TUSC3: variants seen among roughly 807,000 people sequenced by gnomAD.
TUSC3 encodes the protein tumor suppressor candidate 3, also known as dolichyl-diphosphooligosaccharide--protein glycosyltransferase subunit TUSC3.
A neutral mutation model predicts 44.8 loss-of-function variants in TUSC3; 45 were observed. The observed-to-expected ratio is 1.00, with a 90% confidence interval of 0.79 to 1.29. TUSC3 has a LOEUF of 1.29. Among genes scored for constraint, TUSC3 ranks in the 50% most tolerant of loss-of-function variants. The pLI is 0.00. For synonymous variants in TUSC3, 212 were observed against 152.9 expected, an observed-to-expected ratio of 1.39 and a Z score of -2.85; for missense variants, 519 against 437.9, an observed-to-expected ratio of 1.19 and a Z score of -1.65.
chr8:15,535,249 T>G (rs1190102296), upstream of TUSC3, among the ~76,000 whole-genome samples: 1 of 152,200 alleles, frequency 6.6e-6, no homozygotes, highest in Non-Finnish European at 1.5e-5. Context: ...TGCACTCCAG[T>G]TTGAAGGCTT....
rs1810653984 is a variant in TUSC3, at chr8:15,730,034, C to T, written c.799-632C>T. On this transcript the variant is annotated intron_variant, in intron 6 of 10. Coordinates refer to ENST00000503731, the MANE Select transcript of TUSC3 (RefSeq NM_006765.4). Reference sequence around the variant, plus strand: ...AGGACATTTATTTAAAACAACTGCACAGTCACTGATATTCGTAAGAGAGAT... The same window carrying T: ...AGGACATTTATTTAAAACAACTGCATAGTCACTGATATTCGTAAGAGAGAT... Among the ~76,000 whole-genome samples the T allele has an allele frequency of 2.0e-5, 3 of 151,914 alleles. No individual in the cohort carries two copies. The South Asian group carries it at 6.2e-4, about 32-fold the overall frequency.
chr8:15,695,296 A>G (rs924561452), intron 6 of TUSC3, among the ~76,000 whole-genome samples: 2 of 152,172 alleles, frequency 1.3e-5, no homozygotes, highest in African/African-American at 4.8e-5. Context: ...TATTCTCATG[A>G]TAGTGAATAA....
chr8:15,497,997 C>A (rs11203707), intron 2 of TUSC3, among the ~76,000 whole-genome samples: 3 of 151,938 alleles, frequency 2.0e-5, no homozygotes, highest in African/African-American at 4.8e-5. Context: ...GATCCGCCCC[C>A]CTTCGGCCTT....
chr8:15,829,562 C>T, the TUSC3 span, among the ~76,000 whole-genome samples: 1 of 152,078 alleles, frequency 6.6e-6, no homozygotes, highest in South Asian at 2.1e-4. Context: ...CTCAATTTTC[C>T]ATTTACCCTG....
intron 2 of TUSC3, among the ~76,000 whole-genome samples, chr8:15,517,509 A>G (rs1384004802): frequency 7.8e-6 from 1 of 128,770 alleles, no homozygotes; most frequent in African/African-American, 3.0e-5. Flanking sequence ...GCTTCCTAAC[A>G]TTTAGCGTGA....
At chr8:15,554,827 G>C (rs1000881627) in intron 1 of TUSC3, among the ~76,000 whole-genome samples, 1 of 150,750 alleles carries the variant, frequency 6.6e-6, no homozygotes, top group Admixed American at 6.6e-5. Context: ...GGATGGTGTC[G>C]ATCTCCTGAC....
chr8:15,831,882 C>G, the TUSC3 span, among the ~76,000 whole-genome samples: 1 of 152,136 alleles, frequency 6.6e-6, no homozygotes, highest in African/African-American at 2.4e-5. Context: ...AGGATATTAT[C>G]CATGAGAACG....
At chr8:15,613,292 G>T (rs965924305) in intron 1 of TUSC3, among the ~76,000 whole-genome samples, 1 of 151,490 alleles carries the variant, frequency 6.6e-6, no homozygotes, top group Non-Finnish European at 1.5e-5. Flanking sequence ...GAAACATTAG[G>T]TAACTCTGAG....
chr8:15,838,250 C>G, the TUSC3 span, among the ~76,000 whole-genome samples: 1 of 152,164 alleles, frequency 6.6e-6, no homozygotes, highest in Non-Finnish European at 1.5e-5. Context: ...GAGACTTATA[C>G]TTTGCATTTA....
chr8:15,678,251 G>A (rs570460445), intron 6 of TUSC3, among the ~76,000 whole-genome samples: 2 of 152,166 alleles, frequency 1.3e-5, no homozygotes, highest in Non-Finnish European at 2.9e-5. Flanking sequence ...GGTGGACTTT[G>A]TCTGTCAAAG....
At chr8:15,676,317 G>A (rs76144591) in intron 6 of TUSC3, among the ~76,000 whole-genome samples, 1,908 of 152,102 alleles carry the variant, frequency 0.013, 34 homozygotes, top group African/African-American at 0.043. Flanking sequence ...CTTTTTAATG[G>A]GGTTATTTAT....
At chr8:15,754,366 A>G (rs1811832200) in intron 9 of TUSC3, among the ~76,000 whole-genome samples, 1 of 152,058 alleles carries the variant, frequency 6.6e-6, no homozygotes, top group Non-Finnish European at 1.5e-5. Flanking sequence ...CAAGAGGAGA[A>G]AAATAGTTTC....
chr8:15,673,451 C>T (rs940185253), intron 5 of TUSC3, among the ~76,000 whole-genome samples: 5 of 152,048 alleles, frequency 3.3e-5, no homozygotes, highest in Non-Finnish European at 7.4e-5. Context: ...CAGGTGAGCA[C>T]ATAGTATCAG....
chr8:15,836,392 C>G, the TUSC3 span, among the ~76,000 whole-genome samples: 2 of 151,380 alleles, frequency 1.3e-5, no homozygotes, highest in African/African-American at 4.8e-5. Context: ...CAGCAGAATC[C>G]CTTGAATCTG....
At chr8:15,811,766 A>G in the TUSC3 span, among the ~76,000 whole-genome samples, 67 of 152,204 alleles carry the variant, frequency 4.4e-4, no homozygotes, top group Admixed American at 4.4e-3. Flanking sequence ...TTGATAATAT[A>G]GTAAAGGTTA....
Position 15,713,046 on chromosome 8 carries a change from G to A in TUSC3, c.799-17620G>A, listed in dbSNP as rs547487888. ...TTTCTAGAATATTGTAAACTTGATG[G>A]CAACAGTAAATATTTTTGCTTTTCT... On this transcript the variant is annotated intron_variant, in intron 6 of 10. Coordinates refer to ENST00000503731, the MANE Select transcript of TUSC3 (RefSeq NM_006765.4). 2.6e-5 allele frequency among the ~76,000 whole-genome samples: 4 copies of A among 152,142 alleles called. No individual in the cohort carries two copies. The East Asian group carries it at 7.8e-4, about 29-fold the overall frequency.
At chr8:15,565,917 C>T (rs1802651409) in intron 1 of TUSC3, among the ~76,000 whole-genome samples, 1 of 152,098 alleles carries the variant, frequency 6.6e-6, no homozygotes, top group Admixed American at 6.6e-5. Flanking sequence ...ATTTTGGGGT[C>T]TGTCTGGTAC....
chr8:15,790,862 G>C, the TUSC3 span, among the ~76,000 whole-genome samples: 1 of 152,160 alleles, frequency 6.6e-6, no homozygotes, highest in Non-Finnish European at 1.5e-5. Context: ...GGAAACAACT[G>C]TGGGGTTCGT....
At chr8:15,712,250 C>T (rs1809884385) in intron 6 of TUSC3, among the ~76,000 whole-genome samples, 1 of 151,808 alleles carries the variant, frequency 6.6e-6, no homozygotes, top group South Asian at 2.1e-4. Flanking sequence ...TATAAATTTC[C>T]TTGTTTTAAT....
Sources: allele counts gnomAD v4.1 joint callset (sites outside exome capture counted in the v4.1 genomes callset), GRCh38; gene constraint gnomAD v4.1.1; transcripts MANE v1.5; gene names NCBI Gene and HGNC (gene_info 2026-07-23, HGNC 2026-07-21).